Variants in NELL1 observed in about 807,000 individuals in gnomAD.
NELL1 encodes the protein protein kinase C-binding protein NELL1.
Under a neutral mutation model 107.4 loss-of-function variants are expected in NELL1, and 76 were observed. The observed-to-expected ratio is 0.71, with a 90% CI of 0.59 to 0.86. The LOEUF (loss-of-function observed/expected upper bound fraction) is 0.86, where lower values mean the gene tolerates loss of function less well. Ranked by LOEUF, NELL1 falls within the 40% of genes least tolerant of loss-of-function variation. NELL1 has a pLI of 0.00. For synonymous variants in NELL1, 353 were observed against 341.2 expected (o/e 1.03, Z -0.38); for missense variants, 1,024 against 1,005.5 (o/e 1.02, Z -0.25).
chr11:21,501,354 G>A (rs978445624), intron 15 of NELL1, among the ~76,000 whole-genome samples: 3 of 152,184 alleles, frequency 2.0e-5, no homozygotes, highest in Non-Finnish European at 2.9e-5. Context: ...AATTGCTGGG[G>A]TAGGCGTTTC....
chr11:20,753,970 A>AT (rs1856202297), intron 2 of NELL1, among the ~76,000 whole-genome samples: 1 of 152,194 alleles, frequency 6.6e-6, no homozygotes, highest in Non-Finnish European at 1.5e-5. Context: ...TTGGTTTGTC[A>AT]TGGGGCATAT....
chr11:21,419,148 C>T (rs1364355495), intron 15 of NELL1, among the ~76,000 whole-genome samples: 6 of 152,104 alleles, frequency 3.9e-5, no homozygotes, highest in East Asian at 1.9e-4. Context: ...CTGTAATGCA[C>T]GACCTTTGAC....
chr11:20,908,559 A>T (rs1159375803), intron 5 of NELL1, among the ~76,000 whole-genome samples: 7 of 152,016 alleles, frequency 4.6e-5, no homozygotes, highest in Non-Finnish European at 1.0e-4. Context: ...CTGTTGCGGG[A>T]TGGGGGAAAG....
chr11:20,715,982 G>A (rs987595926), intron 2 of NELL1, among the ~76,000 whole-genome samples: 9 of 152,274 alleles, frequency 5.9e-5, no homozygotes, highest in Non-Finnish European at 1.2e-4. Context: ...ACATATTGGG[G>A]CTAAATTATT....
intron 2 of NELL1, among the ~76,000 whole-genome samples, chr11:20,745,944 G>A (rs1033007139): frequency 6.6e-6 from 1 of 152,194 alleles, no homozygotes; most frequent in African/African-American, 2.4e-5. Flanking sequence ...TCCATGTAAA[G>A]TGAAAATATC....
chr11:21,016,824 T>C (rs1049198819), intron 12 of NELL1, among the ~76,000 whole-genome samples: 13 of 152,094 alleles, frequency 8.5e-5, no homozygotes, highest in Admixed American at 7.9e-4. Flanking sequence ...TTCAGGAGTT[T>C]ACTCTCTTTT....
At chr11:21,416,499 C>T (rs79355584) in intron 15 of NELL1, among the ~76,000 whole-genome samples, 2,493 of 152,098 alleles carry the variant, frequency 0.016, 64 homozygotes, top group African/African-American at 0.053. Flanking sequence ...TGTTGGCCTT[C>T]GGTTGCAAAT....
chr11:20,722,019 C>CTT (rs34558225), intron 2 of NELL1, among the ~76,000 whole-genome samples: 585 of 25,962 alleles, frequency 0.023, 4 homozygotes, highest in Middle Eastern at 0.056. Flanking sequence ...CTGAGTCTCT[C>CTT]TTTTTTTTTT....
intron 14 of NELL1, among the ~76,000 whole-genome samples, chr11:21,246,388 T>G (rs1012688372): frequency 1.5e-4 from 23 of 152,150 alleles, no homozygotes; most frequent in Non-Finnish European, 2.1e-4. Flanking sequence ...ATGCCAAAGC[T>G]TTCCATGGAA....
chr11:20,850,466 C>T (rs1377317410), intron 4 of NELL1, among the ~76,000 whole-genome samples: 3 of 152,180 alleles, frequency 2.0e-5, no homozygotes, highest in African/African-American at 7.2e-5. Flanking sequence ...ATTCCATACT[C>T]ATTCTATTAG....
chr11:20,905,845 A>C, intron 5 of NELL1, among the ~76,000 whole-genome samples: 1 of 152,182 alleles, frequency 6.6e-6, no homozygotes, highest in East Asian at 1.9e-4. Context: ...CAGATGGAGA[A>C]GATAGAAAGT....
At chr11:20,934,461 G>T (rs1382548004) in intron 9 of NELL1, among the ~76,000 whole-genome samples, 2 of 152,186 alleles carry the variant, frequency 1.3e-5, no homozygotes, top group Non-Finnish European at 2.9e-5. Context: ...GTCTCCATGT[G>T]TGGTGTGAAT....
chr11:21,161,944 CTTTTTT>C (rs34422649), intron 13 of NELL1, among the ~76,000 whole-genome samples: 5 of 83,058 alleles, frequency 6.0e-5, no homozygotes, highest in Admixed American at 1.9e-4. Context: ...GGAACATAAT[CTTTTTT>C]TTTTTTTTTT....
Position 21,229,462 on chromosome 11 carries a change from T to A in NELL1, c.1549+8T>A. On this transcript the variant is annotated splice_region_variant and intron_variant, in intron 14 of 19. Transcript: ENST00000357134. ...ACGGGACCATCTGCAGAGGTAGGCT[T>A]GCCGCCTTAGTGTTGAGTTGTGAGC... The A allele has an allele frequency of 1.2e-6, 2 of 1,613,414 alleles. No individual in the cohort carries two copies. The highest frequency in any genetic ancestry group is 1.7e-6 in the Non-Finnish European group (2 of 1,179,638).
rs1385590714 is a variant in NELL1, at chr11:20,693,753, A to G, written c.184+15693A>G. ...TCATTTCAACTTTGGTGAATCTGACAATTATGTGTCTTGGAGTTGCTCTTC... is the reference window on the plus strand; with the variant it reads ...TCATTTCAACTTTGGTGAATCTGACGATTATGTGTCTTGGAGTTGCTCTTC... On this transcript the variant is annotated intron_variant, in intron 2 of 19. Transcript: ENST00000357134. Among the ~76,000 whole-genome samples, 3 of 151,780 alleles carry G rather than the reference A, an allele frequency of 2.0e-5. No homozygotes were observed. The South Asian group carries it at 6.3e-4, about 32-fold the overall frequency.
chr11:20,696,398 A>T (rs928860168), intron 2 of NELL1, among the ~76,000 whole-genome samples: 4 of 152,028 alleles, frequency 2.6e-5, no homozygotes, highest in African/African-American at 4.8e-5. Context: ...TCTGGGTGTG[A>T]TGTTAGATCA....
At chr11:20,967,052 T>G (rs1851401088) in intron 12 of NELL1, among the ~76,000 whole-genome samples, 1 of 152,162 alleles carries the variant, frequency 6.6e-6, no homozygotes, top group African/African-American at 2.4e-5. Flanking sequence ...TGTTTTGTTT[T>G]ATTTTATTTA....
At chr11:21,359,047 C>T (rs1277045546) in intron 14 of NELL1, among the ~76,000 whole-genome samples, 3 of 152,052 alleles carry the variant, frequency 2.0e-5, no homozygotes, top group African/African-American at 7.2e-5. Context: ...GCATTCTTGT[C>T]GTGTTCCAGT....
intron 14 of NELL1, among the ~76,000 whole-genome samples, chr11:21,324,486 T>C (rs1291323844): frequency 6.6e-6 from 1 of 152,122 alleles, no homozygotes; most frequent in Non-Finnish European, 1.5e-5. Flanking sequence ...TACATTTTCT[T>C]CAGATACTGT....
Sources: gnomAD v4.1 joint callset for allele counts (sites outside exome capture counted in the v4.1 genomes callset) on GRCh38, gnomAD v4.1.1 for gene constraint, MANE v1.5 for transcripts, NCBI Gene and HGNC (gene_info 2026-07-23, HGNC 2026-07-21) for gene names.